The following RIOX2 variants were observed in gnomAD, a reference collection of about 807,000 sequenced individuals.
The protein encoded by RIOX2 is 60S ribosomal protein L27a histidine hydroxylase.
In RIOX2, 43 loss-of-function variants were observed where a neutral mutation model predicts 51.2. The observed-to-expected ratio is 0.84, with a 90% CI of 0.66 to 1.08. RIOX2 has a LOEUF of 1.08. Ranked by LOEUF, RIOX2 falls within the 50% of genes least tolerant of loss-of-function variation. The pLI, the probability that RIOX2 is intolerant of heterozygous loss-of-function variation, is 0.00. For missense variants in RIOX2, 566 were observed against 561.7 expected (o/e 1.01, Z -0.08); for synonymous variants, 226 against 218.5 (o/e 1.03, Z -0.30).
rs1954472242 is a variant in RIOX2, at chr3:97,967,271, C to T, written c.323G>A (p.Gly108Glu). The change falls in exon 2 of 10, where the codon GGG (glycine) becomes GAG (glutamate). Residue 108 changes from glycine to glutamate, a missense_variant. Transcript: ENST00000394198. ...ATCTTTATTTAAAACCTTCTTCTTC[C>T]CATTGACACACCGGCAGACATTCAC... Reference protein sequence around the residue: ...RDVNVCRCVNGKKKVLNKDGK... With the variant: ...RDVNVCRCVNEKKKVLNKDGK... The T allele has an allele frequency of 6.2e-7, 1 of 1,614,132 alleles. No individual in the cohort carries two copies. Among genetic ancestry groups the T allele is most frequent in the African/African-American group, 1.3e-5 (1 of 75,026 alleles).
chr3:97,952,729 T>A (rs1054650315), intron 5 of RIOX2, among the ~76,000 whole-genome samples: 7 of 152,138 alleles, frequency 4.6e-5, no homozygotes, highest in Non-Finnish European at 1.0e-4. Context: ...GACTTCTAAT[T>A]CCAGCCTCTC....
In RIOX2 at chr3:97,943,372, C is replaced by A; in HGVS notation, c.*1812G>T. 1 of 989,576 alleles carries A rather than the reference C, an allele frequency of 1.0e-6. No homozygotes were observed. The highest frequency in any genetic ancestry group is 1.4e-5 in the South Asian group (1 of 73,148). 61.3% of individuals were successfully genotyped at this position (989,576 alleles called of 1,614,324 possible). A position where few individuals can be genotyped will look rare whatever the true frequency, so the allele number is the denominator to read the frequency against. On this transcript the variant is annotated 3_prime_UTR_variant, in exon 10 of 10. Coordinates refer to ENST00000394198, the MANE Select transcript of RIOX2 (RefSeq NM_153182.4). ...AGAGCAAAGAAGGAAACACATCTGT[C>A]ATTGTCTTGTGGACGTGGAAAGGAA...
At position 97,954,376 on chromosome 3, in the gene RIOX2, G is replaced by T; in HGVS notation, c.785+16C>A. 1 of 1,570,954 alleles carries T rather than the reference G, an allele frequency of 6.4e-7. No individual in the cohort carries two copies. The highest frequency in any genetic ancestry group is 8.8e-7 in the Non-Finnish European group (1 of 1,140,982). On this transcript the variant is annotated intron_variant, in intron 5 of 9. Coordinates refer to ENST00000394198, the MANE Select transcript of RIOX2 (RefSeq NM_153182.4). ...CAGAGCTGTCCTAGCATGTGCAGCT[G>T]GGAGGCAGTGTTTACTTGTTCTGGT...
chr3:97,950,903 A>T lies in RIOX2; in HGVS notation c.786-15T>A, dbSNP rs1705220604. On this transcript the variant is annotated splice_polypyrimidine_tract_variant and intron_variant, in intron 5 of 9. Coordinates refer to ENST00000394198, the MANE Select transcript of RIOX2 (RefSeq NM_153182.4). ...CTCCCCATGAACTAGGATATGCACC[A>T]AGGGGGAAAAAAAAACCAAAACAGT... 1 of 1,593,570 alleles carries T rather than the reference A, an allele frequency of 6.3e-7. No homozygotes were observed. Among genetic ancestry groups the T allele is most frequent in the East Asian group, 2.2e-5 (1 of 44,804 alleles).
intron 1 of RIOX2, chr3:97,971,806 C>G (rs2107209683): frequency 6.6e-6 from 1 of 152,416 alleles, no homozygotes; most frequent in Middle Eastern, 3.4e-3. Flanking sequence ...AACCTGGTCT[C>G]AGTAACCTGT....
At chr3:97,959,760 TA>T (rs531871992) in intron 3 of RIOX2, among the ~76,000 whole-genome samples, 167 of 152,186 alleles carry the variant, frequency 1.1e-3, no homozygotes, top group Middle Eastern at 6.8e-3. Flanking sequence ...GCATCAAATA[TA>T]AAAACATATG....
chr3:97,959,906 A>T (rs1257716080), intron 3 of RIOX2, among the ~76,000 whole-genome samples: 5 of 152,198 alleles, frequency 3.3e-5, no homozygotes, highest in Non-Finnish European at 7.3e-5. Flanking sequence ...AAACTTAAAG[A>T]TGCAATATGG....
chr3:97,972,388 G>A lies in RIOX2; in HGVS notation c.-47C>T, dbSNP rs954402190. 3 of 151,248 alleles carry A rather than the reference G, an allele frequency of 2.0e-5. No homozygotes were observed. The highest frequency in any genetic ancestry group is 6.6e-5 in the Admixed American group (1 of 15,202). The allele number at this position is 151,248 out of a possible 1,614,324, so 9.4% of individuals were successfully genotyped here. A position where few individuals can be genotyped will look rare whatever the true frequency, so the allele number is the denominator to read the frequency against. On this transcript the variant is annotated 5_prime_UTR_variant, in exon 1 of 10. Coordinates refer to ENST00000394198, the MANE Select transcript of RIOX2 (RefSeq NM_153182.4). ...CGAGAGCGCCCCACTCACCCGGCAC[G>A]GCCTGTTGCTCGCGGCCGCGAGCCC...
chr3:97,961,737 C>T (rs148225018), intron 2 of RIOX2, 29 bp from the exon 3 acceptor site: 56 of 1,568,604 alleles, frequency 3.6e-5, no homozygotes, highest in African/African-American at 8.3e-5. Context: ...AAGAAAGGGT[C>T]GGCGTGGGGG....
chr3:97,949,772 G>A, intron 7 of RIOX2, 72 bp downstream of exon 7: 1 of 1,384,452 alleles, frequency 7.2e-7, no homozygotes, highest in Non-Finnish European at 1.0e-6. Context: ...GTTCAAAAAG[G>A]AGCCTACCCA....
At chr3:97,972,117 T>G (rs964824556) in intron 1 of RIOX2, 2 of 152,050 alleles carry the variant, frequency 1.3e-5, no homozygotes, top group Non-Finnish European at 2.9e-5. Flanking sequence ...CGTGTGCGAC[T>G]CTCTGTAACC....
In RIOX2 at chr3:97,972,419, G is replaced by C. The variant is rs1269834956; in HGVS notation, c.-78C>G. 6.6e-6 allele frequency: 1 copy of C among 151,134 alleles called. No individual in the cohort carries two copies. Among genetic ancestry groups the C allele is most frequent in the Non-Finnish European group, 1.5e-5 (1 of 67,676 alleles). The allele number at this position is 151,134 out of a possible 1,614,324, so 9.4% of individuals were successfully genotyped here. On this transcript the variant is annotated 5_prime_UTR_variant, in exon 1 of 10. Coordinates refer to ENST00000394198, the MANE Select transcript of RIOX2 (RefSeq NM_153182.4). ...TTGCTCGCGGCCGCGAGCCCACTGC[G>C]TTGCGGCGCAGCGGCTGGAGGCGGG...
intron 8 of RIOX2, among the ~76,000 whole-genome samples, chr3:97,946,842 A>G (rs1243601987): frequency 6.6e-6 from 1 of 151,972 alleles, no homozygotes; most frequent in African/African-American, 2.4e-5. Context: ...CCAAGACCAG[A>G]TGAAACCCAG....
At chr3:97,969,022 G>A (rs953931407) in intron 1 of RIOX2, among the ~76,000 whole-genome samples, 3 of 152,172 alleles carry the variant, frequency 2.0e-5, no homozygotes, top group Admixed American at 6.5e-5. Context: ...ACTGTGTGAC[G>A]TGTTGCAACT....
intron 4 of RIOX2, among the ~76,000 whole-genome samples, chr3:97,958,662 C>T (rs1326526771): frequency 6.6e-6 from 1 of 152,156 alleles, no homozygotes; most frequent in East Asian, 1.9e-4. Flanking sequence ...TATGTTCTGC[C>T]TAAGCAACTT....
intron 7 of RIOX2, among the ~76,000 whole-genome samples, chr3:97,948,264 G>A (rs906356644): frequency 5.3e-5 from 8 of 151,854 alleles, no homozygotes; most frequent in African/African-American, 7.3e-5. Context: ...GTGTTGGAAG[G>A]GACCTTATAG....
At chr3:97,965,683 T>C (rs1212377767) in intron 2 of RIOX2, among the ~76,000 whole-genome samples, 1 of 152,188 alleles carries the variant, frequency 6.6e-6, no homozygotes, top group Non-Finnish European at 1.5e-5. Context: ...CTTAAGTGGA[T>C]GAGCAGAGAA....
chr3:97,946,480 A>T lies in RIOX2; in HGVS notation c.1150-593T>A, dbSNP rs114650754. Among the ~76,000 whole-genome samples the T allele has an allele frequency of 6.3e-3, 956 of 151,318 alleles. 12 individuals carry two copies. Among genetic ancestry groups the T allele is most frequent in the African/African-American group, 0.022 (913 of 41,130 alleles). ...GTCATTCTTTGTCACCTCTTAGATA[A>T]GGGCAAAAAAATCTTAGCCTAGCGT... On this transcript the variant is annotated intron_variant, in intron 8 of 9. Coordinates refer to ENST00000394198, the MANE Select transcript of RIOX2 (RefSeq NM_153182.4).
At chr3:97,947,493 A>C in intron 7 of RIOX2, 44 bp from the exon 8 acceptor site, 1 of 1,507,256 alleles carries the variant, frequency 6.6e-7, no homozygotes, top group Non-Finnish European at 9.2e-7. Flanking sequence ...AAAAAAGGAA[A>C]CAGGCAGATT....
Sources: allele counts gnomAD v4.1 joint callset (sites outside exome capture counted in the v4.1 genomes callset), GRCh38; gene constraint gnomAD v4.1.1; transcripts MANE v1.5; gene names NCBI Gene and HGNC (gene_info 2026-07-23, HGNC 2026-07-21).